The following PTPRD variants were observed in gnomAD, a reference collection of about 807,000 sequenced individuals.
The protein encoded by PTPRD is protein tyrosine phosphatase receptor type D.
Under a neutral mutation model 214.5 loss-of-function variants are expected in PTPRD, and 34 were observed. That is an observed-to-expected ratio of 0.16 (90% confidence interval 0.12 to 0.21). The LOEUF (loss-of-function observed/expected upper bound fraction) is 0.21. Among genes scored for constraint, PTPRD ranks in the 10% least tolerant of loss-of-function variants. PTPRD has a pLI of 1.00. For synonymous variants in PTPRD, 1,128 were observed against 845.7 expected (o/e 1.33, Z -5.79); for missense variants, 2,545 against 2,398.7 (o/e 1.06, Z -1.27).
chr9:10,446,618 T>G (rs56394423), intron 2 of PTPRD, among the ~76,000 whole-genome samples: 3 of 151,938 alleles, frequency 2.0e-5, no homozygotes, highest in Non-Finnish European at 4.4e-5. Context: ...TAAAATATGA[T>G]GTAAGTGTGC....
chr9:10,026,053 T>G (rs966939676), intron 4 of PTPRD, among the ~76,000 whole-genome samples: 78 of 152,304 alleles, frequency 5.1e-4, no homozygotes, highest in African/African-American at 1.7e-3. Flanking sequence ...CCAGTGCTGC[T>G]CTAATATGTC....
chr9:10,069,542 T>G (rs184100995), intron 3 of PTPRD, among the ~76,000 whole-genome samples: 1 of 152,178 alleles, frequency 6.6e-6, no homozygotes, highest in Non-Finnish European at 1.5e-5. Flanking sequence ...ATGCTTTTTC[T>G]TTCTCTCACA....
intron 10 of PTPRD, among the ~76,000 whole-genome samples, chr9:9,125,914 G>T (rs558994028): frequency 6.6e-6 from 1 of 152,284 alleles, no homozygotes; most frequent in South Asian, 2.1e-4. Flanking sequence ...TGAAAGAAAT[G>T]GAGCCAGCCA....
chr9:8,947,271 G>A (rs1002754381), intron 11 of PTPRD, among the ~76,000 whole-genome samples: 7 of 151,462 alleles, frequency 4.6e-5, no homozygotes, highest in Admixed American at 3.9e-4. Flanking sequence ...AGACCATCCT[G>A]GCTAACATGG....
intron 5 of PTPRD, among the ~76,000 whole-genome samples, chr9:9,812,694 A>C (rs2047516839): frequency 6.6e-6 from 1 of 152,182 alleles, no homozygotes; most frequent in African/African-American, 2.4e-5. Context: ...TGAAAGGAAA[A>C]ATAGTAAGGG....
intron 3 of PTPRD, among the ~76,000 whole-genome samples, chr9:10,086,760 C>T (rs529461735): frequency 2.0e-5 from 3 of 151,826 alleles, no homozygotes; most frequent in Non-Finnish European, 4.4e-5. Flanking sequence ...AATGCAAACA[C>T]AACTTCGCTG....
chr9:10,234,039 G>T (rs959188160), intron 3 of PTPRD, among the ~76,000 whole-genome samples: 1 of 151,424 alleles, frequency 6.6e-6, no homozygotes, highest in African/African-American at 2.4e-5. Flanking sequence ...GTTCACCTTA[G>T]GTCAGGAATT....
intron 3 of PTPRD, among the ~76,000 whole-genome samples, chr9:10,073,189 A>G (rs749441525): frequency 2.0e-5 from 3 of 151,786 alleles, no homozygotes; most frequent in Non-Finnish European, 4.4e-5. Flanking sequence ...ACTTTACCTT[A>G]TGATACTGTA....
At chr9:8,719,008 C>T (rs190647464) in intron 12 of PTPRD, among the ~76,000 whole-genome samples, 1 of 151,312 alleles carries the variant, frequency 6.6e-6, no homozygotes, top group African/African-American at 2.5e-5. Flanking sequence ...GACTTTTGTG[C>T]TTTTATTTGC....
At chr9:8,355,571 G>C (rs550334329) in intron 39 of PTPRD, among the ~76,000 whole-genome samples, 1 of 152,282 alleles carries the variant, frequency 6.6e-6, no homozygotes, top group African/African-American at 2.4e-5. Flanking sequence ...AATAATACTA[G>C]AAGATGGGAA....
At chr9:9,653,064 C>T (rs539432509) in intron 7 of PTPRD, among the ~76,000 whole-genome samples, 3 of 151,912 alleles carry the variant, frequency 2.0e-5, no homozygotes, top group Non-Finnish European at 4.4e-5. Context: ...GCCTCATGGC[C>T]GGGCGCGGTG....
chr9:10,142,517 T>A (rs1437147069), intron 3 of PTPRD, among the ~76,000 whole-genome samples: 1 of 151,954 alleles, frequency 6.6e-6, no homozygotes, highest in African/African-American at 2.4e-5. Flanking sequence ...AAAAAACACA[T>A]GAAAAAATGC....
chr9:9,109,942 G>T (rs989634526), intron 10 of PTPRD, among the ~76,000 whole-genome samples: 1 of 151,930 alleles, frequency 6.6e-6, no homozygotes, highest in Non-Finnish European at 1.5e-5. Flanking sequence ...GGGTCACAGG[G>T]ACAGAGGAAA....
chr9:10,271,359 A>G (rs1010632894), intron 3 of PTPRD, among the ~76,000 whole-genome samples: 1 of 136,528 alleles, frequency 7.3e-6, no homozygotes, highest in South Asian at 2.4e-4. Flanking sequence ...CTTATTTTTG[A>G]GTAATTAAAA....
At chr9:10,069,037 T>C (rs188895760) in intron 3 of PTPRD, among the ~76,000 whole-genome samples, 1 of 152,018 alleles carries the variant, frequency 6.6e-6, no homozygotes, top group African/African-American at 2.4e-5. Context: ...TGTCCTCTTT[T>C]GGCTGCCAGA....
At chr9:8,980,669 C>G (rs2099307766) in intron 11 of PTPRD, among the ~76,000 whole-genome samples, 1 of 152,060 alleles carries the variant, frequency 6.6e-6, no homozygotes, top group African/African-American at 2.4e-5. Flanking sequence ...AGAAATGACT[C>G]TGGCATTCCA....
chr9:9,480,528 A>T (rs1038936837), intron 8 of PTPRD, among the ~76,000 whole-genome samples: 1 of 152,200 alleles, frequency 6.6e-6, no homozygotes, highest in East Asian at 1.9e-4. Flanking sequence ...AAACATTTTA[A>T]AAAGCAATAT....
At chr9:10,311,680 T>A (rs758253114) in intron 3 of PTPRD, among the ~76,000 whole-genome samples, 3 of 152,106 alleles carry the variant, frequency 2.0e-5, no homozygotes, top group African/African-American at 7.2e-5. Context: ...AAAGTTAGCA[T>A]ATTTTTTCAG....
Position 8,392,561 on chromosome 9 carries a change from C to T in PTPRD, c.4211-3154G>A, listed in dbSNP as rs193090902. ...TAAATAATTAATATTCTGAAAAATA[C>T]GTAATTGAAAACAAAATGGAATACC... On this transcript the variant is annotated intron_variant, in intron 36 of 45. Coordinates refer to ENST00000381196, the MANE Select transcript of PTPRD (RefSeq NM_002839.4). Among the ~76,000 whole-genome samples the T allele has an allele frequency of 2.6e-3, 389 of 152,136 alleles. 4 individuals carry two copies. The highest frequency in any genetic ancestry group is 9.0e-3 in the African/African-American group (372 of 41,548).
Sources: gnomAD v4.1 joint callset for allele counts (sites outside exome capture counted in the v4.1 genomes callset) on GRCh38, gnomAD v4.1.1 for gene constraint, MANE v1.5 for transcripts, NCBI Gene and HGNC (gene_info 2026-07-23, HGNC 2026-07-21) for gene names.